Variants in PLCG1 observed in about 807,000 individuals in gnomAD.
PLCG1 encodes phospholipase C gamma 1, also known as 1-phosphatidylinositol 4,5-bisphosphate phosphodiesterase gamma-1.
In PLCG1, 71 loss-of-function variants were observed where a neutral mutation model predicts 177.8. The observed-to-expected ratio is 0.40, with a 90% CI of 0.33 to 0.49. PLCG1 has a LOEUF of 0.49. Among genes scored for constraint, PLCG1 ranks in the 20% least tolerant of loss-of-function variants. The pLI is 0.72. For missense variants in PLCG1, 1,281 were observed against 1,709.0 expected, an observed-to-expected ratio of 0.75 and a Z score of 4.42; for synonymous variants, 658 against 647.9, an observed-to-expected ratio of 1.02 and a Z score of -0.24.
At position 41,146,148 on chromosome 20, in the gene PLCG1, G is replaced by A. The variant is rs1213241184; in HGVS notation, c.217+8290G>A. ...TCAGGATGCAGAGTAAACGGGGCAGGGCGTTCTCCTACAGAAGACTGGCAT... is the reference window on the plus strand; with the variant it reads ...TCAGGATGCAGAGTAAACGGGGCAGAGCGTTCTCCTACAGAAGACTGGCAT... On this transcript the variant is annotated intron_variant, in intron 1 of 31. Transcript: ENST00000685551. This position sits in a 1 kb window ranked among gnomAD's most constrained non-coding sequence, Gnocchi z 6.3. Among the ~76,000 whole-genome samples, 1 of 152,214 alleles carries A rather than the reference G, an allele frequency of 6.6e-6. No homozygotes were observed. Among genetic ancestry groups the A allele is most frequent in the Non-Finnish European group, 1.5e-5 (1 of 68,040 alleles).
intron 24 of PLCG1, among the ~76,000 whole-genome samples, chr20:41,171,418 C>A (rs530676244): frequency 6.6e-6 from 1 of 152,094 alleles, no homozygotes; most frequent in South Asian, 2.1e-4. Flanking sequence ...GAAACCCTGT[C>A]TCTACTGAAA....
At position 41,163,805 on chromosome 20, in the gene PLCG1, C is replaced by A. The variant is rs762376220; in HGVS notation, c.982C>A (p.His328Asn). The change falls in exon 10 of 32, where the codon CAC (histidine) becomes AAC (asparagine). Residue 328 changes from histidine (H) to asparagine (N), a missense_variant. Transcript: ENST00000685551. The surrounding 1 kb of genome is among the most constrained non-coding windows in gnomAD (Gnocchi z 5.2). ...GGACACCATGAACAACCCTCTTTCC[C>A]ACTACTGGATCTCCTCCTCGCACAA... ...CPDTMNNPLSHYWISSSHNTY... is the reference protein window; with the variant it reads ...CPDTMNNPLSNYWISSSHNTY... The A allele has an allele frequency of 6.2e-7, 1 of 1,613,550 alleles. No individual in the cohort carries two copies. Among genetic ancestry groups the A allele is most frequent in the South Asian group, 1.1e-5 (1 of 91,068 alleles).
At position 41,169,248 on chromosome 20, in the gene PLCG1, TC is replaced by T. The variant is rs2035812501; in HGVS notation, c.2580+76del. ...TCCTTGGCATGCCCCCATCACACAG[TC>T]CCAAGCACGCACGTGCATGCACAGA... On this transcript the variant is annotated intron_variant, in intron 22 of 31. Transcript: ENST00000685551. The T allele has an allele frequency of 2.5e-6, 3 of 1,179,282 alleles. No individual in the cohort carries two copies. The Admixed American group carries it at 5.4e-5, about 21-fold the overall frequency. 73.1% of individuals were successfully genotyped at this position (1,179,282 alleles called of 1,614,324 possible).
chr20:41,159,767 T>C lies in PLCG1; in HGVS notation c.370+9T>C, dbSNP rs201733074. ...AACGCTGAGCCTGCAAGGTGGGAGT[T>C]AAGGGGGTAGAGGAGGTAGAGGATA... is the stretch of plus-strand genomic sequence containing the variant. On this transcript the variant is annotated intron_variant, in intron 2 of 31. Transcript: ENST00000685551. The surrounding 1 kb of genome is among the most constrained non-coding windows in gnomAD (Gnocchi z 6.0). 3.6e-4 allele frequency: 584 copies of C among 1,614,120 alleles called. 4 individuals are homozygous for C. The highest frequency in any genetic ancestry group is 3.2e-3 in the South Asian group (287 of 91,080).
rs760283966 is a variant in PLCG1 at position 41,166,257 on chromosome 20, C to G, written c.1863C>G (p.Phe621Leu). 3.1e-6 allele frequency: 5 copies of G among 1,614,194 alleles called. No individual in the cohort carries two copies. The highest frequency in any genetic ancestry group is 1.7e-5 in the Admixed American group (1 of 60,034). ...HSRQDAGTPK[F>L]FLTDNLVFDS... ...GGCAAGATGCTGGGACCCCCAAGTT[C>G]TTCTTGACAGACAACCTCGTCTTTG... Residue 621 changes from phenylalanine (F) to leucine (L), a missense_variant, in exon 17 of 32, where the codon TTC (phenylalanine) becomes TTG (leucine). Physicochemically the swap from Phe to Leu is conservative, Grantham distance 22. Around this residue, in one of 4 missense-constraint regions of PLCG1, gnomAD observed 723 missense variants for 1,030.0 expected, o/e 0.70. Transcript: ENST00000685551. This position sits in a 1 kb window ranked among gnomAD's most constrained non-coding sequence, Gnocchi z 8.6.
At chr20:41,155,376 ACGAT>A (rs1368654842) in intron 1 of PLCG1, among the ~76,000 whole-genome samples, 2 of 152,344 alleles carry the variant, frequency 1.3e-5, no homozygotes, top group East Asian at 3.9e-4. Flanking sequence ...CCTTCATCTT[ACGAT>A]GAACCAGAGA....
chr20:41,141,404 C>G (rs1248223662), intron 1 of PLCG1, among the ~76,000 whole-genome samples: 1 of 152,250 alleles, frequency 6.6e-6, no homozygotes, highest in Non-Finnish European at 1.5e-5. Flanking sequence ...AAGAAAACAG[C>G]TAACTGCCTT....
At chr20:41,162,393 ACAGGTCAGAGGT>A in intron 4 of PLCG1, 47 bp from the exon 5 acceptor site, 1 of 1,381,956 alleles carries the variant, frequency 7.2e-7, no homozygotes, top group Non-Finnish European at 1.0e-6. Context: ...GGCTCGACCC[ACAGGTCAGAGGT>A]CATGAGAAGC....
intron 22 of PLCG1, 95 bp from the exon 23 acceptor site, chr20:41,169,362 C>T (rs1232077739): frequency 1.9e-6 from 2 of 1,067,452 alleles, no homozygotes; most frequent in African/African-American, 1.6e-5. Flanking sequence ...GTCACAGGTA[C>T]ACCCACAAGA....
Position 41,173,731 on chromosome 20 carries a change from C to G in PLCG1, c.3474C>G (p.Arg1158=). The change falls in exon 29 of 32, where the codon CGC becomes CGG. Residue 1158 remains arginine, a synonymous_variant. Coordinates refer to ENST00000685551, the MANE Select transcript of PLCG1 (RefSeq NM_002660.3). The surrounding 1 kb of genome is among the most constrained non-coding windows in gnomAD (Gnocchi z 6.2). The part of the protein sequence containing the change: ...QISNPEFAFL[R]FVVYEEDMFS... ...GTAACCCTGAATTTGCCTTTCTGCG[C>G]TTCGTGGTGTATGAGGAAGACATGT... 6.2e-7 allele frequency: 1 copy of G among 1,614,188 alleles called. No individual in the cohort carries two copies. The highest frequency in any genetic ancestry group is 2.2e-5 in the East Asian group (1 of 44,880).
chr20:41,149,073 A>G (rs936837009), intron 1 of PLCG1, among the ~76,000 whole-genome samples: 7 of 152,224 alleles, frequency 4.6e-5, no homozygotes, highest in Admixed American at 1.3e-4. Context: ...TGCAATGTCT[A>G]TGCAAAGTAA....
In PLCG1 at chr20:41,159,908, T is replaced by C. The variant is rs2035441222; in HGVS notation, c.409T>C (p.Leu137=). The C allele has an allele frequency of 6.2e-7, 1 of 1,614,008 alleles. No individual in the cohort carries two copies. Among genetic ancestry groups the C allele is most frequent in the Non-Finnish European group, 8.5e-7 (1 of 1,180,016 alleles). Residue 137 remains leucine (L), a synonymous_variant, in exon 3 of 32, where the codon TTA becomes CTA. Transcript: ENST00000685551. The surrounding 1 kb of genome is among the most constrained non-coding windows in gnomAD (Gnocchi z 6.0). ...TGAAGTGAACATGTGGATCAAGGGC[T>C]TAACTTGGCTGATGGAGGATACATT... is the stretch of plus-strand genomic sequence containing the variant. ...EDEVNMWIKG[L]TWLMEDTLQA... is the part of the protein sequence containing the mutation.
At position 41,164,329 on chromosome 20, in the gene PLCG1, C is replaced by CGAGA; in HGVS notation, c.1217+128_1217+129insGAGA. 2 of 914,432 alleles carry CGAGA rather than the reference C, an allele frequency of 2.2e-6. No individual in the cohort carries two copies. Among genetic ancestry groups the CGAGA allele is most frequent in the Non-Finnish European group, 1.7e-6 (1 of 594,880 alleles). The allele number at this position is 914,432 out of a possible 1,614,324, so 56.6% of individuals were successfully genotyped here. A position where few individuals can be genotyped will look rare whatever the true frequency, so the allele number is the denominator to read the frequency against. ...CCTCAGCCTTTCATCTTTGTCCTTC[C>CGAGA]TCTTGGCCTCTCCTCGTCACCTGCT... On this transcript the variant is annotated intron_variant, in intron 12 of 31. Transcript: ENST00000685551. This position sits in a 1 kb window ranked among gnomAD's most constrained non-coding sequence, Gnocchi z 6.4.
At position 41,168,850 on chromosome 20, in the gene PLCG1, G is replaced by T; in HGVS notation, c.2463G>T (p.Val821=). The T allele has an allele frequency of 6.2e-7, 1 of 1,610,700 alleles. No individual in the cohort carries two copies. Among genetic ancestry groups the T allele is most frequent in the South Asian group, 1.1e-5 (1 of 90,946 alleles). The change falls in exon 21 of 32, where the codon GTG becomes GTT. Residue 821 remains valine, a synonymous_variant. Coordinates refer to ENST00000685551, the MANE Select transcript of PLCG1 (RefSeq NM_002660.3). ...TFIKSAIIQN[V]EKQEGGWWRG... ...TCAAGAGCGCCATCATCCAGAATGT[G>T]GAGAAGCAAGAGGGAGGCTGGTAAG...
chr20:41,170,302 T>C lies in PLCG1; in HGVS notation c.2808+33T>C, dbSNP rs1600673348. The C allele has an allele frequency of 6.2e-6, 10 of 1,612,946 alleles. No homozygotes were observed. The East Asian group carries it at 6.7e-5, about 11-fold the overall frequency. ...TCTGCTGGAACCTTCTGGGGGGCAG[T>C]GTGTGGGCCCGTCAGGCAGCTGAGG... On this transcript the variant is annotated intron_variant, in intron 24 of 31. Transcript: ENST00000685551.
rs780621156 is a variant in PLCG1, at chr20:41,165,527, C to T, written c.1587C>T (p.Asn529=). The T allele has an allele frequency of 1.8e-5, 29 of 1,613,756 alleles. No individual in the cohort carries two copies. In the African/African-American group the frequency reaches 1.9e-4, roughly 10 times the overall value. Residue 529 remains asparagine, a synonymous_variant, in exon 15 of 32, where the codon AAC becomes AAT. Transcript: ENST00000685551. This position sits in a 1 kb window ranked among gnomAD's most constrained non-coding sequence, Gnocchi z 6.6. The part of the protein sequence containing the change: ...YSEETSSDQG[N]EDEEEPKEVS... ...AGGAGACCAGCAGTGACCAGGGCAA[C>T]GAGGATGAGGAGGAGCCCAAGGAGG...
intron 1 of PLCG1, among the ~76,000 whole-genome samples, chr20:41,140,109 G>A (rs948111501): frequency 6.6e-6 from 1 of 152,184 alleles, no homozygotes; most frequent in African/African-American, 2.4e-5. Flanking sequence ...GGGGTGAGCA[G>A]GTGGGTCAGC....
Position 41,176,062 on chromosome 20 carries a change from C to T in PLCG1, c.*1553C>T, listed in dbSNP as rs543753711. 9.2e-5 allele frequency: 14 copies of T among 152,292 alleles called. No individual in the cohort carries two copies. Among genetic ancestry groups the T allele is most frequent in the Admixed American group, 5.9e-4 (9 of 15,298 alleles). 9.4% of individuals were successfully genotyped at this position (152,292 alleles called of 1,614,324 possible). ...AAAAATGTTGCATTCAGTTCGTTAA[C>T]ACTGCCAGGTGCCATTCTGATTGCC... On this transcript the variant is annotated 3_prime_UTR_variant, in exon 32 of 32. Transcript: ENST00000685551.
At position 41,163,541 on chromosome 20, in the gene PLCG1, C is replaced by A; in HGVS notation, c.891+62C>A. ...ATGAGTAGGGGTGACCAGGACCCCA[C>A]CCGGGCTCCAGGAGCTAGACGCTCC... On this transcript the variant is annotated intron_variant, in intron 9 of 31. Transcript: ENST00000685551. This position sits in a 1 kb window ranked among gnomAD's most constrained non-coding sequence, Gnocchi z 5.2. 5 of 1,282,574 alleles carry A rather than the reference C, an allele frequency of 3.9e-6. No individual in the cohort carries two copies. Among genetic ancestry groups the A allele is most frequent in the Non-Finnish European group, 5.7e-6 (5 of 882,656 alleles). 79.4% of individuals were successfully genotyped at this position (1,282,574 alleles called of 1,614,324 possible). A position where few individuals can be genotyped will look rare whatever the true frequency, so the allele number is the denominator to read the frequency against.
Sources: allele counts gnomAD v4.1 joint callset (sites outside exome capture counted in the v4.1 genomes callset), GRCh38; gene constraint gnomAD v4.1.1; regional missense constraint gnomAD v4.1.1; non-coding constraint Gnocchi (gnomAD v3.1); transcripts MANE v1.5; gene names NCBI Gene and HGNC (gene_info 2026-07-23, HGNC 2026-07-21).